Variants in AGBL4 observed in about 807,000 individuals in gnomAD.
AGBL4 encodes cytosolic carboxypeptidase 6.
AGBL4 carries 58 observed loss-of-function variants against 66.4 expected under a neutral mutation model. The observed-to-expected ratio is 0.87, with a 90% confidence interval of 0.71 to 1.09. AGBL4 has a LOEUF of 1.09. Ranked by LOEUF, AGBL4 falls within the 50% of genes least tolerant of loss-of-function variation. The pLI is 0.00. For missense variants in AGBL4, 579 were observed against 631.0 expected, an observed-to-expected ratio of 0.92 and a Z score of 0.88; for synonymous variants, 234 against 222.9, an observed-to-expected ratio of 1.05 and a Z score of -0.44.
chr1:49,784,467 G>A (rs190681948), intron 2 of AGBL4, among the ~76,000 whole-genome samples: 1 of 152,116 alleles, frequency 6.6e-6, no homozygotes, highest in African/African-American at 2.4e-5. Context: ...AACCACAAAT[G>A]ATGGAGTTAG....
At chr1:49,975,589 C>A (rs189647733) in intron 1 of AGBL4, among the ~76,000 whole-genome samples, 11 of 152,276 alleles carry the variant, frequency 7.2e-5, no homozygotes, top group Non-Finnish European at 1.2e-4. Context: ...GAGGTTTGCA[C>A]GCTCCTGTCT....
At chr1:48,758,589 C>T (rs939139230) in intron 6 of AGBL4, among the ~76,000 whole-genome samples, 3 of 152,218 alleles carry the variant, frequency 2.0e-5, no homozygotes, top group South Asian at 2.1e-4. Context: ...AGGTTCCCTA[C>T]GATCCCTGTT....
At chr1:49,787,263 G>A (rs920360787) in intron 2 of AGBL4, among the ~76,000 whole-genome samples, 3 of 152,192 alleles carry the variant, frequency 2.0e-5, no homozygotes, top group Admixed American at 6.5e-5. Context: ...AGCACTTTGG[G>A]AGGCGGAGGC....
chr1:49,359,875 C>T (rs998502704), intron 3 of AGBL4, among the ~76,000 whole-genome samples: 2 of 152,026 alleles, frequency 1.3e-5, no homozygotes, highest in Non-Finnish European at 2.9e-5. Context: ...CGCCCAGAAC[C>T]GGTATCCTGG....
At chr1:48,616,143 G>A (rs932637231) in intron 9 of AGBL4, among the ~76,000 whole-genome samples, 1 of 152,174 alleles carries the variant, frequency 6.6e-6, no homozygotes, top group Non-Finnish European at 1.5e-5. Context: ...CAGGGTACTT[G>A]AACTGGCAAT....
chr1:49,603,359 T>A (rs978843004), intron 3 of AGBL4, among the ~76,000 whole-genome samples: 1 of 151,932 alleles, frequency 6.6e-6, no homozygotes, highest in Non-Finnish European at 1.5e-5. Context: ...ACAGTCTTTC[T>A]AGAAAGGGAA....
At chr1:49,637,592 C>A (rs949055055) in intron 3 of AGBL4, among the ~76,000 whole-genome samples, 1 of 152,110 alleles carries the variant, frequency 6.6e-6, no homozygotes, top group African/African-American at 2.4e-5. Context: ...CATGAGCCAA[C>A]ACGCCCAGCC....
At chr1:49,517,929 C>A (rs1232220457) in intron 3 of AGBL4, among the ~76,000 whole-genome samples, 1 of 151,996 alleles carries the variant, frequency 6.6e-6, no homozygotes, top group Non-Finnish European at 1.5e-5. Context: ...GTTACAAATT[C>A]TGTTCCTTTA....
chr1:49,651,326 C>A (rs138211243), intron 3 of AGBL4, among the ~76,000 whole-genome samples: 103 of 152,218 alleles, frequency 6.8e-4, no homozygotes, highest in Non-Finnish European at 1.2e-3. Flanking sequence ...CCCTGCCAAC[C>A]CCATCAAAGA....
At chr1:48,901,104 A>G (rs138009370) in intron 5 of AGBL4, among the ~76,000 whole-genome samples, 175 of 152,338 alleles carry the variant, frequency 1.1e-3, no homozygotes, top group Non-Finnish European at 1.7e-3. Flanking sequence ...TAGATGGTAA[A>G]TAAGCACATA....
At chr1:49,022,794 T>G (rs1663348234) in intron 5 of AGBL4, among the ~76,000 whole-genome samples, 1 of 152,190 alleles carries the variant, frequency 6.6e-6, no homozygotes, top group African/African-American at 2.4e-5. Context: ...TATATTACTA[T>G]TCATGTATAT....
intron 2 of AGBL4, among the ~76,000 whole-genome samples, chr1:49,734,031 A>T (rs1228011426): frequency 1.3e-5 from 2 of 152,212 alleles, no homozygotes; most frequent in Non-Finnish European, 2.9e-5. Flanking sequence ...GAGTATTAAA[A>T]TAATAAGACC....
intron 1 of AGBL4, among the ~76,000 whole-genome samples, chr1:50,008,108 A>C (rs565248096): frequency 6.6e-6 from 1 of 152,340 alleles, no homozygotes; most frequent in South Asian, 2.1e-4. Context: ...TGCTTTTAGC[A>C]CTGGACAGAC....
rs570244967 is a variant in AGBL4, at chr1:49,977,760, T to C, written c.34+46003A>G. Reference sequence around the variant, plus strand: ...CACACACACACAAAAAACTTCAGCCTGTCTATCCATCCACTGCATAGATGG... The same window carrying C: ...CACACACACACAAAAAACTTCAGCCCGTCTATCCATCCACTGCATAGATGG... On this transcript the variant is annotated intron_variant, in intron 1 of 13. Coordinates refer to ENST00000371839, the MANE Select transcript of AGBL4 (RefSeq NM_032785.4). 1.0e-4 allele frequency among the ~76,000 whole-genome samples: 16 copies of C among 152,382 alleles called. No individual in the cohort carries two copies. In the South Asian group the frequency reaches 3.3e-3, roughly 32 times the overall value.
At chr1:49,552,708 C>T (rs1653066682) in intron 3 of AGBL4, among the ~76,000 whole-genome samples, 2 of 152,250 alleles carry the variant, frequency 1.3e-5, no homozygotes, top group South Asian at 4.1e-4. Flanking sequence ...CCTGTGAATC[C>T]TCTTGGGATT....
At chr1:49,860,204 A>G (rs147275834) in intron 1 of AGBL4, among the ~76,000 whole-genome samples, 133 of 152,366 alleles carry the variant, frequency 8.7e-4, no homozygotes, top group African/African-American at 3.1e-3. Flanking sequence ...TAAAATGTAT[A>G]TGGAAAAGCA....
chr1:49,870,377 A>G (rs1646808794), intron 1 of AGBL4, among the ~76,000 whole-genome samples: 1 of 152,060 alleles, frequency 6.6e-6, no homozygotes, highest in Non-Finnish European at 1.5e-5. Context: ...TAACCTTTAA[A>G]TCAACAACAA....
chr1:49,940,012 AC>A (rs1654571650), intron 1 of AGBL4, among the ~76,000 whole-genome samples: 1 of 152,170 alleles, frequency 6.6e-6, no homozygotes, highest in Non-Finnish European at 1.5e-5. Context: ...CAAGAAAAAA[AC>A]AAACAACCCC....
chr1:48,689,927 T>C (rs1335217041), intron 6 of AGBL4, among the ~76,000 whole-genome samples: 2 of 152,092 alleles, frequency 1.3e-5, no homozygotes, highest in African/African-American at 4.8e-5. Context: ...GCAAAATCAC[T>C]CCTGTTGTGG....
Sources: gnomAD v4.1 joint callset for allele counts (sites outside exome capture counted in the v4.1 genomes callset) on GRCh38, gnomAD v4.1.1 for gene constraint, MANE v1.5 for transcripts, NCBI Gene and HGNC (gene_info 2026-07-23, HGNC 2026-07-21) for gene names.